Variants in ATRNL1 observed in about 807,000 individuals in gnomAD.
ATRNL1 encodes the protein attractin like 1.
A neutral mutation model predicts 182.7 loss-of-function variants in ATRNL1; 95 were observed. The observed-to-expected ratio is 0.52, with a 90% CI of 0.44 to 0.62. ATRNL1 has a LOEUF of 0.62. Among genes scored for constraint, ATRNL1 ranks in the 20% least tolerant of loss-of-function variants. The probability of loss-of-function intolerance (pLI) is 0.00; values close to 1 mark genes in which losing one functional copy is unlikely to be tolerated. For synonymous variants in ATRNL1, 576 were observed against 568.3 expected, an observed-to-expected ratio of 1.01 and a Z score of -0.19; for missense variants, 1,471 against 1,679.5, an observed-to-expected ratio of 0.88 and a Z score of 2.17.
intron 28 of ATRNL1, among the ~76,000 whole-genome samples, chr10:115,860,719 A>G (rs1555103317): frequency 1.3e-5 from 2 of 152,148 alleles, no homozygotes; most frequent in East Asian, 3.9e-4. Flanking sequence ...GACATTCCCA[A>G]AAGTCATGCT....
At chr10:115,866,943 G>A (rs564929566) in intron 28 of ATRNL1, among the ~76,000 whole-genome samples, 1 of 152,200 alleles carries the variant, frequency 6.6e-6, no homozygotes, top group African/African-American at 2.4e-5. Context: ...GCTTAAGAAG[G>A]GAACAGATGT....
At chr10:115,598,424 C>T (rs370266500) in intron 26 of ATRNL1, among the ~76,000 whole-genome samples, 7 of 149,944 alleles carry the variant, frequency 4.7e-5, no homozygotes, top group Admixed American at 2.0e-4. Flanking sequence ...GGTGCAGAGG[C>T]GTGATCTCGG....
chr10:115,526,198 G>A (rs1554986525), intron 25 of ATRNL1, among the ~76,000 whole-genome samples: 2 of 152,106 alleles, frequency 1.3e-5, no homozygotes, highest in African/African-American at 4.8e-5. Context: ...CCTGAACCAT[G>A]GCCCTTTTTG....
At chr10:115,361,095 A>G (rs1856725580) in intron 19 of ATRNL1, among the ~76,000 whole-genome samples, 2 of 151,956 alleles carry the variant, frequency 1.3e-5, no homozygotes, top group African/African-American at 4.8e-5. Flanking sequence ...TGAGAATCTT[A>G]TGGGAGATAC....
chr10:115,425,644 G>A (rs961515167), intron 20 of ATRNL1, among the ~76,000 whole-genome samples: 16 of 151,938 alleles, frequency 1.1e-4, no homozygotes, highest in African/African-American at 3.9e-4. Context: ...TTAAAAATCT[G>A]TTTATGTGAA....
chr10:115,744,799 A>G (rs1948242746), intron 27 of ATRNL1, among the ~76,000 whole-genome samples: 1 of 152,148 alleles, frequency 6.6e-6, no homozygotes, highest in African/African-American at 2.4e-5. Flanking sequence ...TTATTTTCCT[A>G]CATATTCTTG....
intron 24 of ATRNL1, among the ~76,000 whole-genome samples, chr10:115,492,497 T>C (rs565575434): frequency 6.6e-6 from 1 of 151,098 alleles, no homozygotes; most frequent in African/African-American, 2.4e-5. Flanking sequence ...TTAGTTTACT[T>C]TGAGGTTCCT....
At chr10:115,722,472 A>G (rs1407203389) in intron 26 of ATRNL1, among the ~76,000 whole-genome samples, 1 of 152,156 alleles carries the variant, frequency 6.6e-6, no homozygotes, top group African/African-American at 2.4e-5. Context: ...ATTTAATGAT[A>G]CTAAAAGTTC....
At chr10:115,938,312 G>A (rs1289940223) in intron 28 of ATRNL1, among the ~76,000 whole-genome samples, 2 of 152,152 alleles carry the variant, frequency 1.3e-5, no homozygotes, top group Non-Finnish European at 2.9e-5. Context: ...AATTCCTGAT[G>A]TTTCTCCTTG....
rs1378722563 is a variant in ATRNL1 at position 115,948,796 on chromosome 10, T to C, written c.*4017T>C. 13 of 152,248 alleles carry C rather than the reference T, an allele frequency of 8.5e-5. No homozygotes were observed. Among genetic ancestry groups the C allele is most frequent in the African/African-American group, 2.9e-4 (12 of 41,468 alleles). 9.4% of individuals were successfully genotyped at this position (152,248 alleles called of 1,614,324 possible). A position where few individuals can be genotyped will look rare whatever the true frequency, so the allele number is the denominator to read the frequency against. On this transcript the variant is annotated 3_prime_UTR_variant, in exon 29 of 29. Coordinates refer to ENST00000355044, the MANE Select transcript of ATRNL1 (RefSeq NM_207303.4). Reference sequence around the variant, plus strand: ...TCATTAGAGTGTACATTTAACATTTTAGTTTTATCAAAATTTTTTGAAATT... The same window carrying C: ...TCATTAGAGTGTACATTTAACATTTCAGTTTTATCAAAATTTTTTGAAATT...
chr10:115,625,259 A>G (rs1280596463), intron 26 of ATRNL1, among the ~76,000 whole-genome samples: 2 of 152,156 alleles, frequency 1.3e-5, no homozygotes, highest in African/African-American at 4.8e-5. Context: ...GATGATTAGC[A>G]TTTTGTTCGA....
At chr10:115,522,076 C>T (rs1395973699) in intron 25 of ATRNL1, among the ~76,000 whole-genome samples, 5 of 152,104 alleles carry the variant, frequency 3.3e-5, no homozygotes, top group African/African-American at 1.2e-4. Flanking sequence ...TGATGGTAAA[C>T]ATAATTGGGC....
chr10:115,166,244 T>A (rs926842139), intron 7 of ATRNL1, among the ~76,000 whole-genome samples: 1 of 152,140 alleles, frequency 6.6e-6, no homozygotes, highest in Non-Finnish European at 1.5e-5. Flanking sequence ...TGTCCTTCCT[T>A]TTGAAGCTGA....
intron 26 of ATRNL1, among the ~76,000 whole-genome samples, chr10:115,638,328 ATGT>A (rs1859025458): frequency 6.6e-6 from 1 of 152,164 alleles, no homozygotes; most frequent in Admixed American, 6.5e-5. Flanking sequence ...ATACTCCATG[ATGT>A]TCTCACAATG....
chr10:115,311,522 T>C (rs556760528), intron 17 of ATRNL1, among the ~76,000 whole-genome samples: 66 of 152,302 alleles, frequency 4.3e-4, no homozygotes, highest in African/African-American at 1.5e-3. Flanking sequence ...AGACTTGTTT[T>C]GTGGCCTGTC....
intron 25 of ATRNL1, among the ~76,000 whole-genome samples, chr10:115,536,457 C>T (rs987515701): frequency 7.9e-5 from 12 of 152,294 alleles, no homozygotes; most frequent in African/African-American, 1.4e-4. Context: ...TTTTTAAGCC[C>T]GTCGGAAATG....
intron 20 of ATRNL1, among the ~76,000 whole-genome samples, chr10:115,422,053 A>G (rs1845673385): frequency 6.6e-6 from 1 of 152,208 alleles, no homozygotes; most frequent in Non-Finnish European, 1.5e-5. Context: ...CTCAAAATGG[A>G]TTAAAGACTT....
chr10:115,433,280 C>T (rs1846251202), intron 21 of ATRNL1, among the ~76,000 whole-genome samples: 1 of 151,970 alleles, frequency 6.6e-6, no homozygotes, highest in Non-Finnish European at 1.5e-5. Flanking sequence ...ACAATGAAAC[C>T]AATTAATACT....
At chr10:115,482,281 G>A (rs1848805490) in intron 24 of ATRNL1, among the ~76,000 whole-genome samples, 1 of 151,056 alleles carries the variant, frequency 6.6e-6, no homozygotes, top group Non-Finnish European at 1.5e-5. Context: ...TCAGCACGCA[G>A]TGGGTTCTAT....
Sources: allele counts gnomAD v4.1 joint callset (sites outside exome capture counted in the v4.1 genomes callset), GRCh38; gene constraint gnomAD v4.1.1; transcripts MANE v1.5; gene names NCBI Gene and HGNC (gene_info 2026-07-23, HGNC 2026-07-21).